Variants in EPG5 observed in about 807,000 individuals in gnomAD.
EPG5 encodes the protein ectopic P-granules 5 autophagy tethering factor, also known as ectopic P granules protein 5 homolog.
In EPG5, 159 loss-of-function variants were observed where a neutral mutation model predicts 302.7. The observed-to-expected ratio is 0.53, with a 90% CI of 0.46 to 0.60. EPG5 has a LOEUF of 0.60. Among genes scored for constraint, EPG5 ranks in the 20% least tolerant of loss-of-function variants. The probability of loss-of-function intolerance (pLI) is 0.00; values close to 1 mark genes in which losing one functional copy is unlikely to be tolerated. For synonymous variants in EPG5, 1,158 were observed against 1,136.8 expected, an observed-to-expected ratio of 1.02 and a Z score of -0.37; for missense variants, 2,896 against 3,092.4, an observed-to-expected ratio of 0.94 and a Z score of 1.51.
chr18:45,913,585 T>C (rs1297416946), intron 21 of EPG5, 121 bp downstream of exon 21: 17 of 1,247,464 alleles, frequency 1.4e-5, no homozygotes, highest in South Asian at 2.8e-5. Flanking sequence ...GGTTTGGTTG[T>C]TGAGCTTTCC....
rs1216654353 is a variant in EPG5, at chr18:45,851,162, CT to C, written c.*1304del. 3.3e-5 allele frequency: 5 copies of C among 152,182 alleles called. No homozygotes were observed. The highest frequency in any genetic ancestry group is 1.2e-4 in the African/African-American group (5 of 41,418). 9.4% of individuals were successfully genotyped at this position (152,182 alleles called of 1,614,324 possible). A position where few individuals can be genotyped will look rare whatever the true frequency, so the allele number is the denominator to read the frequency against. On this transcript the variant is annotated 3_prime_UTR_variant, in exon 44 of 44. Transcript: ENST00000282041. ...CTCTGTTAACTATATTCCTATACCC[CT>C]ATAAACATTCTTGGTGGCTGTTTAG...
the EPG5 span, among the ~76,000 whole-genome samples, chr18:45,806,994 T>C: frequency 8.0e-3 from 1,223 of 152,242 alleles, 11 homozygotes; most frequent in African/African-American, 0.027. Flanking sequence ...TGCTCGCCCA[T>C]TGCCTGGAAA....
chr18:45,924,356 T>G (rs1240997219), intron 14 of EPG5, among the ~76,000 whole-genome samples: 1 of 152,208 alleles, frequency 6.6e-6, no homozygotes, highest in African/African-American at 2.4e-5. Context: ...AGCTCTTGCC[T>G]ACGAGCATGT....
At chr18:45,934,544 C>T (rs910277795) in intron 11 of EPG5, among the ~76,000 whole-genome samples, 8 of 152,150 alleles carry the variant, frequency 5.3e-5, no homozygotes, top group Admixed American at 5.2e-4. Flanking sequence ...TTCACACACA[C>T]ATGCAAAAAA....
chr18:45,956,057 C>A (rs1477572407), intron 1 of EPG5, among the ~76,000 whole-genome samples: 1 of 152,150 alleles, frequency 6.6e-6, no homozygotes, highest in Non-Finnish European at 1.5e-5. Flanking sequence ...TATCTCCTCC[C>A]AAATATTTAA....
the EPG5 span, among the ~76,000 whole-genome samples, chr18:45,812,667 G>A: frequency 2.6e-5 from 4 of 152,320 alleles, no homozygotes; most frequent in African/African-American, 9.6e-5. Flanking sequence ...AAGCAATGGG[G>A]AAAGGATTCC....
rs774537425 is a variant in EPG5, at chr18:45,904,034, A to G, written c.4413T>C (p.Leu1471=). The change falls in exon 25 of 44, where the codon CTT becomes CTC. Residue 1471 remains leucine, a synonymous_variant. Transcript: ENST00000282041. ...ETVGLWTQAK[L]ESHSTPCSLS... The stretch of plus-strand genomic sequence containing the variant: ...AACTGCAGGGTGTGGAATGGGACTC[A>G]AGCTTGGCCTGTGTCCACAGACCAA... 9 of 1,613,256 alleles carry G rather than the reference A, an allele frequency of 5.6e-6. No individual in the cohort carries two copies. In the Admixed American group the frequency reaches 1.5e-4, roughly 27 times the overall value.
At chr18:45,878,870 C>T in intron 33 of EPG5, 143 bp downstream of exon 33, 1 of 649,170 alleles carries the variant, frequency 1.5e-6, no homozygotes, top group Non-Finnish European at 2.7e-6. Flanking sequence ...ACATATATGA[C>T]ACATATATGG....
the EPG5 span, among the ~76,000 whole-genome samples, chr18:45,834,988 C>A: frequency 6.6e-6 from 1 of 151,920 alleles, no homozygotes; most frequent in Admixed American, 6.6e-5. Context: ...GAGCAAGGTT[C>A]TTTGATGATT....
At chr18:45,933,763 T>C (rs1462769328) in intron 11 of EPG5, among the ~76,000 whole-genome samples, 1 of 152,076 alleles carries the variant, frequency 6.6e-6, no homozygotes, top group Non-Finnish European at 1.5e-5. Flanking sequence ...TTTTAAAGTA[T>C]ATGATTTTCT....
chr18:45,839,042 A>G, the EPG5 span: 7 of 1,549,338 alleles, frequency 4.5e-6, no homozygotes, highest in South Asian at 7.1e-5. Context: ...CTCGGCTTCA[A>G]GGCGCTGCTG....
At chr18:45,953,150 G>A (rs1482710599) in intron 2 of EPG5, 2 of 364,184 alleles carry the variant, frequency 5.5e-6, no homozygotes, top group African/African-American at 4.4e-5. Flanking sequence ...TCCAGCCTGG[G>A]CGACAGAGCT....
chr18:45,933,735 C>T (rs1329183144), intron 11 of EPG5, among the ~76,000 whole-genome samples: 1 of 151,584 alleles, frequency 6.6e-6, no homozygotes, highest in African/African-American at 2.4e-5. Flanking sequence ...ACTTTGCAAA[C>T]AGTAGAGGCC....
At position 45,858,690 on chromosome 18, in the gene EPG5, T is replaced by C. The variant is rs1274529865; in HGVS notation, c.7102A>G (p.Thr2368Ala). Residue 2368 changes from threonine to alanine, a missense_variant, in exon 41 of 44, where the codon ACC becomes GCC. Physicochemically the swap from Thr to Ala is moderately conservative, Grantham distance 58. Around this residue, in one of 5 missense-constraint regions of EPG5, gnomAD observed 620 missense variants for 704.2 expected, o/e 0.88. Coordinates refer to ENST00000282041, the MANE Select transcript of EPG5 (RefSeq NM_020964.3). ...TMEEFLQECL[T>A]LGSYLTLYVY... ...TAAAGAGTCAAGTAACTGCCCAAGG[T>C]GAGGCACTCCTGCAGGAACTCTTCC... 13 of 1,614,096 alleles carry C rather than the reference T, an allele frequency of 8.1e-6. No individual in the cohort carries two copies. The highest frequency in any genetic ancestry group is 1.1e-5 in the Non-Finnish European group (13 of 1,179,986).
intron 23 of EPG5, among the ~76,000 whole-genome samples, chr18:45,908,673 G>A (rs1405110017): frequency 6.6e-6 from 1 of 152,124 alleles, no homozygotes; most frequent in Non-Finnish European, 1.5e-5. Flanking sequence ...AGTTCTGGCT[G>A]GGCGCAGTGG....
At chr18:45,921,479 T>C (rs556807842) in intron 16 of EPG5, among the ~76,000 whole-genome samples, 95 of 152,354 alleles carry the variant, frequency 6.2e-4, no homozygotes, top group Middle Eastern at 3.4e-3. Context: ...GCACCAGATA[T>C]AGTCTTCATC....
At chr18:45,880,341 A>C in intron 31 of EPG5, 118 bp from the exon 32 acceptor site, 1 of 993,600 alleles carries the variant, frequency 1.0e-6, no homozygotes, top group Non-Finnish European at 1.4e-6. Context: ...ATCCAAAACA[A>C]ACTCACAGGG....
the EPG5 span, chr18:45,836,911 G>A: frequency 3.0e-6 from 2 of 671,578 alleles, no homozygotes; most frequent in South Asian, 1.7e-5. Flanking sequence ...AGGCTGTAGA[G>A]TGAGGCGATC....
the EPG5 span, among the ~76,000 whole-genome samples, chr18:45,811,861 C>G: frequency 6.6e-6 from 1 of 152,120 alleles, no homozygotes; most frequent in Non-Finnish European, 1.5e-5. Context: ...TGGCACAAGA[C>G]AGGGATGCCC....
Sources: allele counts gnomAD v4.1 joint callset (sites outside exome capture counted in the v4.1 genomes callset), GRCh38; gene constraint gnomAD v4.1.1; regional missense constraint gnomAD v4.1.1; transcripts MANE v1.5; gene names NCBI Gene and HGNC (gene_info 2026-07-23, HGNC 2026-07-21).